The following FRMD4A variants were observed in gnomAD, a reference collection of about 807,000 sequenced individuals.
FRMD4A encodes FERM domain containing 4A.
In FRMD4A, 29 loss-of-function variants were observed where a neutral mutation model predicts 129.1. The ratio of observed to expected loss-of-function variants is 0.22; its 90% CI spans 0.17 to 0.31. FRMD4A has a LOEUF of 0.31. FRMD4A is among the 10% of genes least tolerant of loss of function. The pLI is 1.00. For missense variants in FRMD4A, 1,272 were observed against 1,375.8 expected (o/e 0.92, Z 1.19); for synonymous variants, 634 against 571.6 (o/e 1.11, Z -1.56).
At chr10:14,208,684 C>T (rs1259866075) in intron 2 of FRMD4A, among the ~76,000 whole-genome samples, 1 of 152,132 alleles carries the variant, frequency 6.6e-6, no homozygotes, top group African/African-American at 2.4e-5. Flanking sequence ...CTCTGGCCTC[C>T]CCTGAACCCA....
At position 13,663,435 on chromosome 10, in the gene FRMD4A, G is replaced by A; in HGVS notation, c.1660+18C>T. ...ACTCTGAGCTGTAGGTTTGTAAGCA[G>A]GAAATGCATAAACCTACCATCCTCA... On this transcript the variant is annotated intron_variant, in intron 19 of 24. Coordinates refer to ENST00000357447, the MANE Select transcript of FRMD4A (RefSeq NM_018027.5). 1 of 1,312,338 alleles carries A rather than the reference G, an allele frequency of 7.6e-7. No individual in the cohort carries two copies. The allele number at this position is 1,312,338 out of a possible 1,614,324, so 81.3% of individuals were successfully genotyped here. A position where few individuals can be genotyped will look rare whatever the true frequency, so the allele number is the denominator to read the frequency against.
intron 3 of FRMD4A, among the ~76,000 whole-genome samples, chr10:13,845,555 C>T (rs1415650420): frequency 1.3e-5 from 2 of 152,146 alleles, no homozygotes; most frequent in Non-Finnish European, 2.9e-5. Flanking sequence ...TTAACATTCC[C>T]ATTTTACACA....
chr10:14,175,876 A>G (rs1841706457), intron 2 of FRMD4A, among the ~76,000 whole-genome samples: 1 of 151,802 alleles, frequency 6.6e-6, no homozygotes, highest in South Asian at 2.1e-4. Flanking sequence ...GCAGGCTGCA[A>G]CCTCATTCTC....
intron 2 of FRMD4A, among the ~76,000 whole-genome samples, chr10:14,046,212 C>T (rs986278359): frequency 1.3e-5 from 2 of 152,050 alleles, no homozygotes; most frequent in African/African-American, 2.4e-5. Flanking sequence ...ACTCACTTTC[C>T]TCAACATTTG....
Position 14,156,200 on chromosome 10 carries a change from G to A in FRMD4A, c.45+173858C>T, listed in dbSNP as rs571081286. ...ATGTTGTACTCAATCAATTCATTCA[G>A]TAGGGAAAATGAATGAACTACAACA... On this transcript the variant is annotated intron_variant, in intron 2 of 24. Coordinates refer to ENST00000357447, the MANE Select transcript of FRMD4A (RefSeq NM_018027.5). 7.9e-5 allele frequency among the ~76,000 whole-genome samples: 12 copies of A among 152,092 alleles called. No individual in the cohort carries two copies. The South Asian group carries it at 2.5e-3, about 32-fold the overall frequency.
At chr10:14,058,233 A>T (rs11258843) in intron 2 of FRMD4A, among the ~76,000 whole-genome samples, 14,786 of 152,178 alleles carry the variant, frequency 0.097, 766 homozygotes, top group Non-Finnish European at 0.12. Context: ...TTTATACTGA[A>T]TTCATCCTCC....
At chr10:14,144,052 C>T (rs1173436261) in intron 2 of FRMD4A, among the ~76,000 whole-genome samples, 4 of 152,058 alleles carry the variant, frequency 2.6e-5, no homozygotes, top group African/African-American at 7.2e-5. Context: ...GAATAAAATG[C>T]TCAAACCAAG....
At chr10:14,109,941 A>G (rs758143758) in intron 2 of FRMD4A, among the ~76,000 whole-genome samples, 1 of 150,788 alleles carries the variant, frequency 6.6e-6, no homozygotes, top group Non-Finnish European at 1.5e-5. Flanking sequence ...ACTGCACTCC[A>G]GCCTGGGCCA....
chr10:13,931,741 C>A (rs974596234), intron 2 of FRMD4A, among the ~76,000 whole-genome samples: 2 of 149,200 alleles, frequency 1.3e-5, no homozygotes, highest in Admixed American at 6.7e-5. Flanking sequence ...AGTTTGAGAC[C>A]AGCCTGGCCA....
In FRMD4A at chr10:13,739,452, G is replaced by T. The variant is rs377332304; in HGVS notation, c.672+742C>A. Among the ~76,000 whole-genome samples the T allele has an allele frequency of 2.7e-4, 41 of 152,302 alleles. No individual in the cohort carries two copies. In the South Asian group the frequency reaches 4.8e-3, roughly 18 times the overall value. On this transcript the variant is annotated intron_variant, in intron 11 of 24. Coordinates refer to ENST00000357447, the MANE Select transcript of FRMD4A (RefSeq NM_018027.5). ...AGGGAGCCTGGTGCAGCTGGGCCAG[G>T]TTTCCTGGATTCGTGCTCTTTTCCA...
At chr10:14,311,924 G>A (rs980958442) in intron 2 of FRMD4A, among the ~76,000 whole-genome samples, 1 of 152,010 alleles carries the variant, frequency 6.6e-6, no homozygotes, top group Non-Finnish European at 1.5e-5. Context: ...TGAAGTGAGG[G>A]ACCATGTCTT....
intron 2 of FRMD4A, among the ~76,000 whole-genome samples, chr10:13,896,147 G>T (rs1052225064): frequency 6.6e-6 from 1 of 152,172 alleles, no homozygotes; most frequent in Non-Finnish European, 1.5e-5. Context: ...AATCCCATTT[G>T]ACCCAGCAAT....
chr10:13,758,536 TCTTGCCCGGGCGTGCCTGCAAGGGA>T (rs1312327370), intron 8 of FRMD4A, among the ~76,000 whole-genome samples: 1 of 152,238 alleles, frequency 6.6e-6, no homozygotes, highest in African/African-American at 2.4e-5. Flanking sequence ...CTGCACAGGG[TCTTGCCCGGGCGTGCCTGCAAGGGA>T]CTGGGGCCCA....
intron 3 of FRMD4A, among the ~76,000 whole-genome samples, chr10:13,827,912 G>C (rs1043609513): frequency 2.0e-5 from 3 of 152,144 alleles, no homozygotes; most frequent in Non-Finnish European, 4.4e-5. Flanking sequence ...TGGCTGCTCC[G>C]AGCCCCTTGG....
chr10:14,019,397 G>A (rs1191285968), intron 2 of FRMD4A, among the ~76,000 whole-genome samples: 6 of 152,158 alleles, frequency 3.9e-5, no homozygotes, highest in Non-Finnish European at 7.3e-5. Context: ...TAAAATCCAA[G>A]ACATGCCATC....
At chr10:13,861,441 T>A (rs918871330) in intron 2 of FRMD4A, among the ~76,000 whole-genome samples, 3 of 152,198 alleles carry the variant, frequency 2.0e-5, no homozygotes, top group Non-Finnish European at 4.4e-5. Context: ...TAAAACAACA[T>A]AGCATGTCCT....
chr10:14,063,563 A>AG (rs1834916813), intron 2 of FRMD4A, among the ~76,000 whole-genome samples: 1 of 151,006 alleles, frequency 6.6e-6, no homozygotes, highest in South Asian at 2.1e-4. Context: ...TTTCTCATTA[A>AG]AAAAAAAAAG....
At chr10:14,241,649 C>G (rs572814066) in intron 2 of FRMD4A, among the ~76,000 whole-genome samples, 1 of 118,148 alleles carries the variant, frequency 8.5e-6, no homozygotes, top group African/African-American at 3.4e-5. Context: ...TCCCCTTCTA[C>G]AAAGCATTGG....
chr10:14,048,527 C>T (rs554609638), intron 2 of FRMD4A, among the ~76,000 whole-genome samples: 5 of 152,080 alleles, frequency 3.3e-5, no homozygotes, highest in South Asian at 4.2e-4. Context: ...GTGGGTGGGC[C>T]GGGTGTGGTG....
Sources: allele counts gnomAD v4.1 joint callset (sites outside exome capture counted in the v4.1 genomes callset), GRCh38; gene constraint gnomAD v4.1.1; transcripts MANE v1.5; gene names NCBI Gene and HGNC (gene_info 2026-07-23, HGNC 2026-07-21).